Variants in LRTM3 observed in about 807,000 individuals in gnomAD.
LRTM3 encodes leucine-rich repeat transmembrane protein 3.
At chr13:102,749,339 G>T in the LRTM3 span, 1 of 1,551,334 alleles carries the variant, frequency 6.4e-7, no homozygotes, top group Non-Finnish European at 8.7e-7. Context: ...CAATTCTGAT[G>T]AAACAATTTG....
chr13:102,735,709 G>A, the LRTM3 span: 2 of 1,551,042 alleles, frequency 1.3e-6, no homozygotes, highest in African/African-American at 2.7e-5. Context: ...TGCTTAATGT[G>A]TAACCATGCA....
the LRTM3 span, chr13:102,729,646 A>G: frequency 2.6e-6 from 4 of 1,514,566 alleles, no homozygotes; most frequent in Admixed American, 6.3e-5. Flanking sequence ...GTACACAGGC[A>G]AAAAAAAAGG....
chr13:102,745,313 G>A, the LRTM3 span: 4 of 1,550,582 alleles, frequency 2.6e-6, no homozygotes, highest in Non-Finnish European at 2.6e-6. Flanking sequence ...ATCTTCATGT[G>A]GAGATGTATC....
At chr13:102,748,139 G>A in the LRTM3 span, 1 of 1,550,978 alleles carries the variant, frequency 6.4e-7, no homozygotes, top group Non-Finnish European at 8.7e-7. Context: ...TTCTGTATCA[G>A]GTAGTTGAGA....
the LRTM3 span, chr13:102,743,117 T>C: frequency 1.3e-6 from 2 of 1,550,532 alleles, no homozygotes; most frequent in South Asian, 1.2e-5. Flanking sequence ...GTTTTCTGCA[T>C]AGAATGGATC....
At chr13:102,731,174 T>G in the LRTM3 span, 3,589 of 1,551,460 alleles carry the variant, frequency 2.3e-3, 12 homozygotes, top group Non-Finnish European at 2.6e-3. Flanking sequence ...TGTGATTGTC[T>G]CCTCACTGTC....
the LRTM3 span, chr13:102,741,495 A>C: frequency 6.5e-7 from 1 of 1,549,448 alleles, no homozygotes; most frequent in Non-Finnish European, 8.7e-7. Context: ...TCTTTTCCCA[A>C]TACATGTGAA....
At chr13:102,738,683 T>C in the LRTM3 span, 1 of 1,550,666 alleles carries the variant, frequency 6.4e-7, no homozygotes, top group Non-Finnish European at 8.7e-7. Context: ...CTCTTGGAGA[T>C]TTGGTTGTGA....
the LRTM3 span, chr13:102,744,246 T>G: frequency 6.5e-7 from 1 of 1,550,350 alleles, no homozygotes; most frequent in Non-Finnish European, 8.7e-7. Context: ...GGACTCATAC[T>G]TTTCTTGCCT....
At chr13:102,733,055 T>G in the LRTM3 span, 1 of 1,551,476 alleles carries the variant, frequency 6.4e-7, no homozygotes, top group South Asian at 1.2e-5. Flanking sequence ...TGGTAGCATC[T>G]GTAGGCTGAG....
the LRTM3 span, chr13:102,740,696 T>A: frequency 1.1e-5 from 17 of 1,548,000 alleles, no homozygotes; most frequent in South Asian, 1.9e-4. Context: ...CTGAAATAGA[T>A]CTGTTTTGGA....
At chr13:102,742,012 T>C in the LRTM3 span, 1 of 1,550,564 alleles carries the variant, frequency 6.4e-7, no homozygotes, top group South Asian at 1.2e-5. Context: ...ACAATGACCT[T>C]TGCATTTCTT....
chr13:102,747,165 C>T, the LRTM3 span: 1 of 1,550,662 alleles, frequency 6.4e-7, no homozygotes, highest in Non-Finnish European at 8.7e-7. Context: ...GGATACTTTT[C>T]TTCCCTTTCA....
chr13:102,734,418 T>C, the LRTM3 span: 1 of 1,551,364 alleles, frequency 6.4e-7, no homozygotes, highest in Middle Eastern at 1.7e-4. Context: ...AGTATGCACA[T>C]TTTTCTTTGA....
chr13:102,744,017 T>A, the LRTM3 span: 2 of 1,550,378 alleles, frequency 1.3e-6, no homozygotes, highest in Non-Finnish European at 1.7e-6. Flanking sequence ...CGCTGCTGTA[T>A]TGTATAAGAG....
the LRTM3 span, among the ~76,000 whole-genome samples, chr13:102,757,638 C>T: frequency 1.3e-5 from 2 of 152,188 alleles, no homozygotes; most frequent in Non-Finnish European, 2.9e-5. Context: ...AAACCTCTGT[C>T]CTTTTCGGGC....
the LRTM3 span, chr13:102,745,272 G>A: frequency 6.4e-7 from 1 of 1,550,560 alleles, no homozygotes; most frequent in Admixed American, 2.0e-5. Context: ...TCTTGAAGAA[G>A]GGTTTCTTTA....
At chr13:102,738,156 C>T in the LRTM3 span, 5 of 1,550,906 alleles carry the variant, frequency 3.2e-6, no homozygotes, top group African/African-American at 1.4e-5. Context: ...TGTGAAAGTG[C>T]CTTCTTTGCT....
the LRTM3 span, chr13:102,742,208 C>G: frequency 6.5e-7 from 1 of 1,550,356 alleles, no homozygotes; most frequent in African/African-American, 1.4e-5. Context: ...CTGGATGTTA[C>G]CTCTCAGTTC....
Sources: gnomAD v4.1 joint callset for allele counts (sites outside exome capture counted in the v4.1 genomes callset) on GRCh38, gnomAD v4.1.1 for gene constraint, MANE v1.5 for transcripts, NCBI Gene and HGNC (gene_info 2026-07-23, HGNC 2026-07-21) for gene names.